NEBL: variants seen among roughly 807,000 people sequenced by gnomAD.
The protein encoded by NEBL is LIM and SH3 protein 2.
Under a neutral mutation model 140.2 loss-of-function variants are expected in NEBL, and 122 were observed. The observed-to-expected ratio is 0.87, with a 90% confidence interval of 0.75 to 1.01. The LOEUF (loss-of-function observed/expected upper bound fraction) is 1.01. Among genes scored for constraint, NEBL ranks in the 50% least tolerant of loss-of-function variants. The pLI is 0.00. For synonymous variants in NEBL, 436 were observed against 398.9 expected (o/e 1.09, Z -1.11); for missense variants, 1,365 against 1,231.3 (o/e 1.11, Z -1.62).
intron 5 of NEBL, 147 bp downstream of exon 5, chr10:20,880,647 T>A (rs989245525): frequency 3.1e-5 from 22 of 706,520 alleles, no homozygotes; most frequent in Non-Finnish European, 5.1e-5. Context: ...GATAGAATAA[T>A]TCAGATGTAC....
intron 3 of NEBL, among the ~76,000 whole-genome samples, chr10:21,236,746 G>T (rs983469950): frequency 6.6e-6 from 1 of 152,024 alleles, no homozygotes; most frequent in Non-Finnish European, 1.5e-5. Flanking sequence ...GCCCCAAAAT[G>T]AACCCCAAAC....
At chr10:21,229,707 A>T (rs183002721) in intron 3 of NEBL, among the ~76,000 whole-genome samples, 19 of 152,324 alleles carry the variant, frequency 1.2e-4, no homozygotes, top group African/African-American at 4.1e-4. Context: ...AACTGAATAA[A>T]GATGTCGACA....
intron 11 of NEBL, among the ~76,000 whole-genome samples, chr10:20,849,761 T>C (rs990483958): frequency 2.6e-5 from 4 of 152,174 alleles, no homozygotes; most frequent in Admixed American, 2.6e-4. Context: ...CAAAATGGAC[T>C]AAAATATAAA....
intron 3 of NEBL, among the ~76,000 whole-genome samples, chr10:21,231,004 T>C (rs536077136): frequency 7.4e-4 from 113 of 152,348 alleles, no homozygotes; most frequent in African/African-American, 2.6e-3. Flanking sequence ...CTTTACTGTA[T>C]GTCTTCCGTC....
intron 2 of NEBL, among the ~76,000 whole-genome samples, chr10:21,077,304 A>G (rs2131923476): frequency 6.6e-6 from 1 of 152,328 alleles, no homozygotes; most frequent in Non-Finnish European, 1.5e-5. Context: ...AGCAAGGTAC[A>G]TTTTAAATTG....
rs1037792824 is a variant in NEBL, at chr10:20,859,796, T to C, written c.715A>G (p.Met239Val). 6.3e-6 allele frequency: 10 copies of C among 1,580,072 alleles called. No individual in the cohort carries two copies. The highest frequency in any genetic ancestry group is 4.0e-5 in the African/African-American group (3 of 74,144). Reference protein sequence around the residue: ...IKYKEKFDNEMKDKKHHYNPL... With the variant: ...IKYKEKFDNEVKDKKHHYNPL... ...TTGTAATGATGTTTCTTATCCTTCA[T>C]TTCATTATCAAATTTTTCTTTGTAT... The change falls in exon 8 of 28, where the codon ATG becomes GTG. Residue 239 changes from methionine to valine, a missense_variant. By Grantham distance (21) the Met-to-Val change is conservative. Transcript: ENST00000377122.
chr10:21,025,748 T>G (rs1839000937), intron 2 of NEBL, among the ~76,000 whole-genome samples: 1 of 152,114 alleles, frequency 6.6e-6, no homozygotes, highest in Non-Finnish European at 1.5e-5. Flanking sequence ...CTGTGTGCCT[T>G]TGGGTTAGGT....
intron 4 of NEBL, among the ~76,000 whole-genome samples, chr10:20,931,802 G>A (rs1239934407): frequency 6.6e-6 from 1 of 151,906 alleles, no homozygotes; most frequent in African/African-American, 2.4e-5. Flanking sequence ...ATTCTTATGT[G>A]CATCTGGAAG....
intron 2 of NEBL, among the ~76,000 whole-genome samples, chr10:21,128,972 A>C (rs564390063): frequency 2.0e-5 from 3 of 152,350 alleles, no homozygotes; most frequent in African/African-American, 7.2e-5. Flanking sequence ...TTTCAGAAAC[A>C]ATGACAGGTG....
intron 26 of NEBL, among the ~76,000 whole-genome samples, chr10:20,799,611 G>A (rs1417308527): frequency 6.6e-6 from 1 of 152,174 alleles, no homozygotes; most frequent in East Asian, 1.9e-4. Context: ...TAGTTGGGAA[G>A]TACAACTGAA....
At chr10:20,859,952 C>T (rs895360323) in intron 7 of NEBL, 126 bp from the exon 8 acceptor site, 33 of 572,288 alleles carry the variant, frequency 5.8e-5, no homozygotes, top group Admixed American at 2.7e-4. Context: ...TGGTATCCAT[C>T]GCCTTCTATA....
chr10:21,050,576 A>T (rs909188842), intron 2 of NEBL, among the ~76,000 whole-genome samples: 1 of 152,238 alleles, frequency 6.6e-6, no homozygotes, highest in African/African-American at 2.4e-5. Context: ...ATGAACCAGC[A>T]GTAAAGCAAA....
chr10:20,966,201 C>T (rs1180420735), intron 3 of NEBL, among the ~76,000 whole-genome samples: 8 of 152,148 alleles, frequency 5.3e-5, no homozygotes, highest in South Asian at 4.1e-4. Flanking sequence ...TGACATTCTA[C>T]GTGTCTGTGT....
At chr10:20,801,104 C>T (rs1292805036) in intron 26 of NEBL, among the ~76,000 whole-genome samples, 1 of 152,194 alleles carries the variant, frequency 6.6e-6, no homozygotes, top group Non-Finnish European at 1.5e-5. Context: ...AAGTTGCCAA[C>T]GTGCTATGCT....
intron 5 of NEBL, among the ~76,000 whole-genome samples, chr10:20,871,360 A>T (rs1844914919): frequency 6.6e-6 from 1 of 152,222 alleles, no homozygotes. Context: ...TGACTGCTAT[A>T]AACCAGTGTT....
At chr10:20,989,792 T>A (rs116887975) in intron 3 of NEBL, among the ~76,000 whole-genome samples, 3,035 of 152,256 alleles carry the variant, frequency 0.02, 78 homozygotes, top group Non-Finnish European at 0.023. Context: ...GAGTAAATCT[T>A]TTGGAGCAGG....
intron 1 of NEBL, among the ~76,000 whole-genome samples, chr10:21,264,244 C>T (rs943033386): frequency 2.0e-5 from 3 of 151,866 alleles, no homozygotes; most frequent in African/African-American, 7.3e-5. Flanking sequence ...GTGTAGGGAG[C>T]TGGAAAGGCA....
chr10:21,284,139 G>A (rs1000491376), intron 1 of NEBL, among the ~76,000 whole-genome samples: 3 of 148,378 alleles, frequency 2.0e-5, no homozygotes. Context: ...GAACCCAGGA[G>A]GCAGAGGTTA....
chr10:21,241,552 T>C (rs1474665460), intron 3 of NEBL, among the ~76,000 whole-genome samples: 1 of 152,198 alleles, frequency 6.6e-6, no homozygotes, highest in African/African-American at 2.4e-5. Flanking sequence ...AAAATGTTCT[T>C]AGTGTATACT....
Sources: allele counts gnomAD v4.1 joint callset (sites outside exome capture counted in the v4.1 genomes callset), GRCh38; gene constraint gnomAD v4.1.1; transcripts MANE v1.5; gene names NCBI Gene and HGNC (gene_info 2026-07-23, HGNC 2026-07-21).